NUP155: variants seen among roughly 807,000 people sequenced by gnomAD.
NUP155 encodes the protein nucleoporin 155.
A neutral mutation model predicts 180.4 loss-of-function variants in NUP155; 71 were observed. The ratio of observed to expected loss-of-function variants is 0.39; its 90% CI spans 0.33 to 0.48. NUP155 has a LOEUF of 0.48. NUP155 is among the 20% of genes least tolerant of loss of function. The probability of loss-of-function intolerance (pLI) is 0.91; values close to 1 mark genes in which losing one functional copy is unlikely to be tolerated. For synonymous variants in NUP155, 582 were observed against 559.5 expected (o/e 1.04, Z -0.57); for missense variants, 1,553 against 1,648.9 (o/e 0.94, Z 1.01).
rs1484910537 is a variant in NUP155 at position 37,291,619 on chromosome 5, A to G, written c.*281T>C. On this transcript the variant is annotated 3_prime_UTR_variant, in exon 35 of 35. Transcript: ENST00000231498. ...ATATAAATTCGAAATTTCTGCCTGC[A>G]GTACAATTCAAAATAAGAGTTTCTA... 26 of 301,100 alleles carry G rather than the reference A, an allele frequency of 8.6e-5. No homozygotes were observed. Among genetic ancestry groups the G allele is most frequent in the Non-Finnish European group, 6.9e-5 (11 of 159,220 alleles). The allele number at this position is 301,100 out of a possible 1,614,324, so 18.7% of individuals were successfully genotyped here.
chr5:37,315,869 G>A (rs998727763), intron 21 of NUP155, among the ~76,000 whole-genome samples: 6 of 152,204 alleles, frequency 3.9e-5, no homozygotes, highest in Non-Finnish European at 8.8e-5. Context: ...GAACCTGGGA[G>A]GTGGAGGCTG....
chr5:37,350,820 A>T (rs1022765273), intron 6 of NUP155, among the ~76,000 whole-genome samples: 15 of 91,516 alleles, frequency 1.6e-4, no homozygotes, highest in Admixed American at 5.7e-4. Flanking sequence ...CATCACATTT[A>T]AAAAAAAAAA....
intron 17 of NUP155, among the ~76,000 whole-genome samples, chr5:37,328,020 A>G (rs929801130): frequency 6.6e-6 from 1 of 152,218 alleles, no homozygotes; most frequent in Non-Finnish European, 1.5e-5. Flanking sequence ...ACTCCCAGAT[A>G]GACTTGCAAG....
chr5:37,323,110 G>A (rs980183785), intron 20 of NUP155, among the ~76,000 whole-genome samples: 7 of 151,052 alleles, frequency 4.6e-5, no homozygotes, highest in African/African-American at 1.5e-4. Context: ...GTGAAACCCC[G>A]TCTCCGCTGA....
At chr5:37,312,698 G>A (rs1005252938) in intron 22 of NUP155, among the ~76,000 whole-genome samples, 4 of 152,136 alleles carry the variant, frequency 2.6e-5, no homozygotes, top group African/African-American at 7.2e-5. Context: ...GCGTAGTGGT[G>A]CGTGCCTATA....
chr5:37,325,335 C>T (rs908540035), intron 19 of NUP155, among the ~76,000 whole-genome samples: 3 of 152,102 alleles, frequency 2.0e-5, no homozygotes, highest in Admixed American at 6.6e-5. Flanking sequence ...AGATATACTA[C>T]GCCCCTTCTT....
intron 23 of NUP155, 31 bp downstream of exon 23, chr5:37,310,511 CTCTTATAACA>C (rs765104558): frequency 3.3e-6 from 5 of 1,516,654 alleles, no homozygotes; most frequent in Non-Finnish European, 4.6e-6. Context: ...TACATGATAC[CTCTTATAACA>C]AACAATGAAA....
In NUP155 at chr5:37,349,359, T is replaced by C. The variant is rs1581197176; in HGVS notation, c.830-114A>G. On this transcript the variant is annotated intron_variant, in intron 7 of 34. Coordinates refer to ENST00000231498, the MANE Select transcript of NUP155 (RefSeq NM_153485.3). ...AATCAGAACTTTGTATTCAGGGGCT[T>C]TCTACTCTCTTGCTTTGTAGTTAAA... 5 of 387,644 alleles carry C rather than the reference T, an allele frequency of 1.3e-5. No homozygotes were observed. In the East Asian group the frequency reaches 2.6e-4, roughly 20 times the overall value. 24.0% of individuals were successfully genotyped at this position (387,644 alleles called of 1,614,324 possible).
intron 23 of NUP155, chr5:37,309,566 T>C: frequency 3.5e-6 from 1 of 284,300 alleles, no homozygotes; most frequent in Non-Finnish European, 6.7e-6. Flanking sequence ...TTATTTATTT[T>C]TTCCACCTGT....
Position 37,328,407 on chromosome 5 carries a change from A to G in NUP155, c.1827T>C (p.Pro609=). The part of the protein sequence containing the change: ...GSPVYSSSPV[P]SGSPYPNPSF... Reference sequence around the variant, plus strand: ...ATGGATTTGGATAGGGACTACCACTAGGAACAGGAGAACCTAAAAAGGGAA... The same window carrying G: ...ATGGATTTGGATAGGGACTACCACTGGGAACAGGAGAACCTAAAAAGGGAA... Residue 609 remains proline, a synonymous_variant, in exon 17 of 35, where the codon CCT becomes CCC. Transcript: ENST00000231498. 6.2e-7 allele frequency: 1 copy of G among 1,602,514 alleles called. No individual in the cohort carries two copies. Among genetic ancestry groups the G allele is most frequent in the Non-Finnish European group, 8.6e-7 (1 of 1,169,500 alleles).
At position 37,303,269 on chromosome 5, in the gene NUP155, T is replaced by A. The variant is rs1296540619; in HGVS notation, c.3308A>T (p.Asp1103Val). The change falls in exon 28 of 35, where the codon GAC (aspartate) becomes GTC (valine). Residue 1103 changes from aspartate to valine, a missense_variant. Physicochemically the swap from Asp to Val is radical, Grantham distance 152. Transcript: ENST00000231498. ...GAATATTATGCCATACCTATGCATG[T>A]CAGCCAGTCTGGACAGTACACGAGC... ...NAARVLSRLA[D>V]MHSTEISLQQ... The A allele has an allele frequency of 1.2e-6, 2 of 1,614,158 alleles. No homozygotes were observed. Among genetic ancestry groups the A allele is most frequent in the East Asian group, 4.5e-5 (2 of 44,864 alleles).
intron 29 of NUP155, among the ~76,000 whole-genome samples, chr5:37,302,018 G>A (rs1276977861): frequency 6.6e-6 from 1 of 152,138 alleles, no homozygotes; most frequent in South Asian, 2.1e-4. Context: ...TCAACCACAC[G>A]GAGGAAAGCC....
In NUP155 at chr5:37,293,286, C is replaced by T. The variant is rs572933977; in HGVS notation, c.3931-301G>A. ...TGAGATAAGAGAAAAATCTTTCTTT[C>T]TATGGGTTGTGACACCACTTTTACT... On this transcript the variant is annotated intron_variant, in intron 33 of 34. Transcript: ENST00000231498. The T allele has an allele frequency of 1.1e-4, 32 of 293,976 alleles. No individual in the cohort carries two copies. The East Asian group carries it at 2.9e-3, about 26-fold the overall frequency. 18.2% of individuals were successfully genotyped at this position (293,976 alleles called of 1,614,324 possible).
At chr5:37,366,445 A>G (rs1747588983) in intron 1 of NUP155, among the ~76,000 whole-genome samples, 1 of 151,908 alleles carries the variant, frequency 6.6e-6, no homozygotes, top group African/African-American at 2.4e-5. Context: ...TTATCTTTTT[A>G]TTTTTATTTT....
chr5:37,304,820 T>C lies in NUP155; in HGVS notation c.3081A>G (p.Ser1027=). The C allele has an allele frequency of 3.7e-6, 6 of 1,613,972 alleles. No individual in the cohort carries two copies. Among genetic ancestry groups the C allele is most frequent in the Non-Finnish European group, 5.1e-6 (6 of 1,179,876 alleles). The change falls in exon 27 of 35, where the codon TCA becomes TCG. Residue 1027 remains serine (S), a synonymous_variant. Transcript: ENST00000231498. The part of the protein sequence containing the change: ...GHHFEQMLKL[S]QRSKDELFSI... The stretch of plus-strand genomic sequence containing the variant: ...TAAAGAGCTCATCCTTGGATCGCTG[T>C]GACAATTTAAGCATTTGTTCAAACT...
At chr5:37,294,495 G>T in intron 32 of NUP155, 30 bp from the exon 33 acceptor site, 1 of 1,605,512 alleles carries the variant, frequency 6.2e-7, no homozygotes, top group Middle Eastern at 1.7e-4. Flanking sequence ...TCGGAAATTT[G>T]GATTTTTAGC....
chr5:37,321,128 C>T (rs993656175), intron 20 of NUP155, among the ~76,000 whole-genome samples: 4 of 151,922 alleles, frequency 2.6e-5, no homozygotes, highest in Non-Finnish European at 4.4e-5. Context: ...GGTGGATTAT[C>T]TGAGGTCAAG....
At chr5:37,296,744 G>C (rs1275335001) in intron 32 of NUP155, among the ~76,000 whole-genome samples, 1 of 151,794 alleles carries the variant, frequency 6.6e-6, no homozygotes, top group Non-Finnish European at 1.5e-5. Flanking sequence ...CAGCTTTTCA[G>C]AAAAGGGCAA....
chr5:37,352,240 C>A (rs1206507291), intron 5 of NUP155, among the ~76,000 whole-genome samples: 1 of 152,118 alleles, frequency 6.6e-6, no homozygotes, highest in African/African-American at 2.4e-5. Context: ...TGCCTGTAAT[C>A]CCAGCTACTT....
Sources: gnomAD v4.1 joint callset for allele counts (sites outside exome capture counted in the v4.1 genomes callset) on GRCh38, gnomAD v4.1.1 for gene constraint, MANE v1.5 for transcripts, NCBI Gene and HGNC (gene_info 2026-07-23, HGNC 2026-07-21) for gene names.